CRB3: variants seen among roughly 807,000 people sequenced by gnomAD.
CRB3 encodes protein crumbs homolog 3.
Under a neutral mutation model 10.4 loss-of-function variants are expected in CRB3, and 4 were observed. The observed-to-expected ratio is 0.39, with a 90% confidence interval of 0.19 to 0.88. CRB3 has a LOEUF of 0.88. Ranked by LOEUF, CRB3 falls within the 40% of genes least tolerant of loss-of-function variation. The pLI is 0.39. For missense variants in CRB3, 154 were observed against 160.2 expected, an observed-to-expected ratio of 0.96 and a Z score of 0.21; for synonymous variants, 74 against 73.4, an observed-to-expected ratio of 1.01 and a Z score of -0.04.
At chr19:6,465,900 T>G (rs969116006) in intron 3 of CRB3, among the ~76,000 whole-genome samples, 1 of 151,860 alleles carries the variant, frequency 6.6e-6, no homozygotes, top group Admixed American at 6.6e-5. Context: ...TTGGTAGATG[T>G]GATGAAAGCA....
Position 6,467,126 on chromosome 19 carries a change from G to A in CRB3, c.*454G>A. ...CCACCCAGTGCTTAATAGCAGGGAA[G>A]AAGGTACTTCAAAGACTCTGCCCCT... On this transcript the variant is annotated 3_prime_UTR_variant, in exon 4 of 4. Coordinates refer to ENST00000600229, the MANE Select transcript of CRB3 (RefSeq NM_139161.5). 1 of 1,015,622 alleles carries A rather than the reference G, an allele frequency of 9.8e-7. No individual in the cohort carries two copies. The highest frequency in any genetic ancestry group is 2.4e-5 in the East Asian group (1 of 41,408). 62.9% of individuals were successfully genotyped at this position (1,015,622 alleles called of 1,614,324 possible).
At position 6,464,705 on chromosome 19, in the gene CRB3, G is replaced by A. The variant is rs2145158814; in HGVS notation, c.4G>A (p.Ala2Thr). Residue 2 changes from alanine (A) to threonine (T), a missense_variant, in exon 2 of 4, where the codon GCG (alanine) becomes ACG (threonine). Physicochemically the swap from Ala to Thr is moderately conservative, Grantham distance 58. Transcript: ENST00000600229. This position sits in a 1 kb window ranked among gnomAD's most constrained non-coding sequence, Gnocchi z 5.3. The part of the protein sequence containing the change: M[A>T]NPGLGLLLAL... ...CTGCCAACCCGCCACCCAGCCCATG[G>A]CGAACCCCGGGCTGGGGCTGCTTCT... The A allele has an allele frequency of 8.1e-7, 1 of 1,239,532 alleles. No homozygotes were observed. Among genetic ancestry groups the A allele is most frequent in the East Asian group, 3.1e-5 (1 of 32,402 alleles). 76.8% of individuals were successfully genotyped at this position (1,239,532 alleles called of 1,614,324 possible).
At position 6,464,337 on chromosome 19, in the gene CRB3, G is replaced by A. The variant is rs1458376141; in HGVS notation, c.-108G>A. On this transcript the variant is annotated 5_prime_UTR_variant, in exon 1 of 4. Transcript: ENST00000600229. This position sits in a 1 kb window ranked among gnomAD's most constrained non-coding sequence, Gnocchi z 5.3. ...GACCAGGAACCTGAGCTAGGTCAAA[G>A]ACGCCCGGGCCAGGTAGGAAGGCAG... 1.0e-5 allele frequency: 2 copies of A among 199,410 alleles called. No homozygotes were observed. The highest frequency in any genetic ancestry group is 2.0e-5 in the Non-Finnish European group (2 of 99,360). The allele number at this position is 199,410 out of a possible 1,614,324, so 12.4% of individuals were successfully genotyped here.
chr19:6,465,141 G>A (rs1027523533), intron 2 of CRB3: 3 of 282,988 alleles, frequency 1.1e-5, no homozygotes, highest in South Asian at 1.2e-4. Flanking sequence ...GAGGCCTGCC[G>A]AGCCGGGTCG....
Position 6,466,401 on chromosome 19 carries a change from C to T in CRB3, c.157-65C>T, listed in dbSNP as rs1282345665. 15 of 1,328,100 alleles carry T rather than the reference C, an allele frequency of 1.1e-5. No homozygotes were observed. In the South Asian group the frequency reaches 1.8e-4, roughly 16 times the overall value. The allele number at this position is 1,328,100 out of a possible 1,614,324, so 82.3% of individuals were successfully genotyped here. A position where few individuals can be genotyped will look rare whatever the true frequency, so the allele number is the denominator to read the frequency against. ...GGGGTAGGGGGTGATGAGGGGGATGCCATTCAGGTGGAGGTGGACAGGCTA... is the reference window on the plus strand; with the variant it reads ...GGGGTAGGGGGTGATGAGGGGGATGTCATTCAGGTGGAGGTGGACAGGCTA... On this transcript the variant is annotated intron_variant, in intron 3 of 3. Coordinates refer to ENST00000600229, the MANE Select transcript of CRB3 (RefSeq NM_139161.5). The surrounding 1 kb of genome is among the most constrained non-coding windows in gnomAD (Gnocchi z 4.9).
At position 6,464,566 on chromosome 19, in the gene CRB3, C is replaced by T. The variant is rs2092785543; in HGVS notation, c.-94-42C>T. 3 of 498,120 alleles carry T rather than the reference C, an allele frequency of 6.0e-6. No homozygotes were observed. The highest frequency in any genetic ancestry group is 4.4e-5 in the Admixed American group (1 of 22,784). The allele number at this position is 498,120 out of a possible 1,614,324, so 30.9% of individuals were successfully genotyped here. A position where few individuals can be genotyped will look rare whatever the true frequency, so the allele number is the denominator to read the frequency against. ...CTGTGGGCCTGCGCCGGGGTCCCCA[C>T]CCCGATCCCAACGCCTGGGCCTCTC... On this transcript the variant is annotated intron_variant, in intron 1 of 3. Coordinates refer to ENST00000600229, the MANE Select transcript of CRB3 (RefSeq NM_139161.5). The surrounding 1 kb of genome is among the most constrained non-coding windows in gnomAD (Gnocchi z 5.3).
chr19:6,465,373 G>A (rs1448006605), intron 2 of CRB3, among the ~76,000 whole-genome samples, 172 bp from the exon 3 acceptor site: 2 of 152,108 alleles, frequency 1.3e-5, no homozygotes, highest in African/African-American at 4.8e-5. Context: ...AAACACCCAA[G>A]GGAGAGGTCT....
rs2092785789 is a variant in CRB3 at position 6,464,619 on chromosome 19, C to G, written c.-83C>G. On this transcript the variant is annotated 5_prime_UTR_variant, in exon 2 of 4. Transcript: ENST00000600229. This position sits in a 1 kb window ranked among gnomAD's most constrained non-coding sequence, Gnocchi z 5.3. The stretch of plus-strand genomic sequence containing the variant: ...TCTCCTGTCCCCAGGTGCCCCGTCG[C>G]AGGTGCCCCTGGCCGGAGATGCGGT... 1.2e-6 allele frequency: 1 copy of G among 847,492 alleles called. No homozygotes were observed. Among genetic ancestry groups the G allele is most frequent in the Non-Finnish European group, 1.6e-6 (1 of 637,056 alleles). The allele number at this position is 847,492 out of a possible 1,614,324, so 52.5% of individuals were successfully genotyped here.
At position 6,464,653 on chromosome 19, in the gene CRB3, C is replaced by A. The variant is rs745892441; in HGVS notation, c.-49C>A. On this transcript the variant is annotated 5_prime_UTR_variant, in exon 2 of 4. Coordinates refer to ENST00000600229, the MANE Select transcript of CRB3 (RefSeq NM_139161.5). This position sits in a 1 kb window ranked among gnomAD's most constrained non-coding sequence, Gnocchi z 5.3. ...CTGGCCGGAGATGCGGTAGGAGGGG[C>A]GAGCGCGAGAAGCCCCTTCCTCGGC... 1.8e-6 allele frequency: 2 copies of A among 1,129,988 alleles called. No individual in the cohort carries two copies. The highest frequency in any genetic ancestry group is 2.2e-6 in the Non-Finnish European group (2 of 895,026). 70.0% of individuals were successfully genotyped at this position (1,129,988 alleles called of 1,614,324 possible).
chr19:6,465,547 C>G lies in CRB3; in HGVS notation c.85C>G (p.Gln29Glu), dbSNP rs113989012. Residue 29 changes from glutamine to glutamate, a missense_variant and splice_region_variant, in exon 3 of 4, where the codon CAG becomes GAG. Transcript: ENST00000600229. ...TTCTCTGCCTTCACCCTCCACAGTA[C>G]AGACCACTTCTGCAAATGAGAATAG... Reference protein sequence around the residue: ...ARWGRAWGQIQTTSANENSTV... With the variant: ...ARWGRAWGQIETTSANENSTV... 187 of 1,613,680 alleles carry G rather than the reference C, an allele frequency of 1.2e-4. No homozygotes were observed. The African/African-American group carries it at 2.2e-3, about 19-fold the overall frequency.
At position 6,464,657 on chromosome 19, in the gene CRB3, C is replaced by G; in HGVS notation, c.-45C>G. The G allele has an allele frequency of 8.7e-7, 1 of 1,154,384 alleles. No homozygotes were observed. The allele number at this position is 1,154,384 out of a possible 1,614,324, so 71.5% of individuals were successfully genotyped here. ...CCGGAGATGCGGTAGGAGGGGCGAG[C>G]GCGAGAAGCCCCTTCCTCGGCGCTG... On this transcript the variant is annotated 5_prime_UTR_variant, in exon 2 of 4. Coordinates refer to ENST00000600229, the MANE Select transcript of CRB3 (RefSeq NM_139161.5). This position sits in a 1 kb window ranked among gnomAD's most constrained non-coding sequence, Gnocchi z 5.3.
Position 6,464,413 on chromosome 19 carries a change from C to T in CRB3, c.-95+63C>T. On this transcript the variant is annotated intron_variant, in intron 1 of 3. Transcript: ENST00000600229. This position sits in a 1 kb window ranked among gnomAD's most constrained non-coding sequence, Gnocchi z 5.3. ...GCCCGTCCACCCTGCCCGTCCCGTC[C>T]CGTCCCGTCCCGTCCCCTTCCTTTC... 1 of 318,890 alleles carries T rather than the reference C, an allele frequency of 3.1e-6. No homozygotes were observed. Among genetic ancestry groups the T allele is most frequent in the African/African-American group, 2.1e-5 (1 of 46,844 alleles). 19.8% of individuals were successfully genotyped at this position (318,890 alleles called of 1,614,324 possible).
chr19:6,465,256 C>T (rs976993730), intron 2 of CRB3: 4 of 433,234 alleles, frequency 9.2e-6, no homozygotes, highest in Middle Eastern at 6.0e-4. Context: ...GCTAGGCCCG[C>T]CCAGATCCTT....
At position 6,466,365 on chromosome 19, in the gene CRB3, G is replaced by A; in HGVS notation, c.157-101G>A. On this transcript the variant is annotated intron_variant, in intron 3 of 3. Transcript: ENST00000600229. The surrounding 1 kb of genome is among the most constrained non-coding windows in gnomAD (Gnocchi z 4.9). ...AAGTGGCAGATGTGTGTATGTGTGT[G>A]TGTGTGTTGTGGGGTAGGGGGTGAT... 8.7e-6 allele frequency: 8 copies of A among 920,454 alleles called. No individual in the cohort carries two copies. Among genetic ancestry groups the A allele is most frequent in the Non-Finnish European group, 1.4e-5 (8 of 572,256 alleles). The allele number at this position is 920,454 out of a possible 1,614,324, so 57.0% of individuals were successfully genotyped here.
In CRB3 at chr19:6,466,667, A is replaced by G; in HGVS notation, c.358A>G (p.Ile120Val). 6.3e-7 allele frequency: 1 copy of G among 1,599,766 alleles called. No individual in the cohort carries two copies. The highest frequency in any genetic ancestry group is 8.5e-7 in the Non-Finnish European group (1 of 1,179,544). Reference protein sequence around the residue: ...NLKLPPEERLI With the variant: ...NLKLPPEERLV Reference sequence around the variant, plus strand: ...CAAGTTGCCGCCGGAAGAGCGGCTCATCTGAACGCTGGGGCCTGCTGCAGC... The same window carrying G: ...CAAGTTGCCGCCGGAAGAGCGGCTCGTCTGAACGCTGGGGCCTGCTGCAGC... The change falls in exon 4 of 4, where the codon ATC becomes GTC. Residue 120 changes from isoleucine to valine, a missense_variant. Transcript: ENST00000600229. This position sits in a 1 kb window ranked among gnomAD's most constrained non-coding sequence, Gnocchi z 4.9.
At chr19:6,465,692 G>A in intron 3 of CRB3, 74 bp downstream of exon 3, 2 of 1,264,972 alleles carry the variant, frequency 1.6e-6, no homozygotes, top group East Asian at 2.3e-5. Flanking sequence ...CATGTAGAGA[G>A]GACTAGACAC....
Position 6,466,576 on chromosome 19 carries a change from G to C in CRB3, c.267G>C (p.Thr89=), listed in dbSNP as rs759725683. The part of the protein sequence containing the change: ...LVRKLREKRQ[T]EGTYRPSSEE... ...GGAAGCTTCGGGAGAAGCGGCAGAC[G>C]GAGGGCACCTACCGGCCCAGTAGCG... is the stretch of plus-strand genomic sequence containing the variant. Residue 89 remains threonine, a synonymous_variant, in exon 4 of 4, where the codon ACG becomes ACC. Coordinates refer to ENST00000600229, the MANE Select transcript of CRB3 (RefSeq NM_139161.5). The surrounding 1 kb of genome is among the most constrained non-coding windows in gnomAD (Gnocchi z 4.9). 1 of 1,610,556 alleles carries C rather than the reference G, an allele frequency of 6.2e-7. No individual in the cohort carries two copies. Among genetic ancestry groups the C allele is most frequent in the Admixed American group, 1.7e-5 (1 of 60,020 alleles).
upstream of CRB3, chr19:6,463,894 A>C (rs1195597120): frequency 1.3e-5 from 2 of 152,242 alleles, no homozygotes; most frequent in African/African-American, 4.8e-5. Context: ...TTGGGATTAC[A>C]GGCGTGAGCC....
rs1035701574 is a variant in CRB3, at chr19:6,464,858, C to G, written c.82+75C>G. ...CTCTGCTGGGGACGTGGCTTAGAAGCGCTGGGTATCTGGGGCGCAGAGAGG... is the reference window on the plus strand; with the variant it reads ...CTCTGCTGGGGACGTGGCTTAGAAGGGCTGGGTATCTGGGGCGCAGAGAGG... On this transcript the variant is annotated intron_variant, in intron 2 of 3. Coordinates refer to ENST00000600229, the MANE Select transcript of CRB3 (RefSeq NM_139161.5). The surrounding 1 kb of genome is among the most constrained non-coding windows in gnomAD (Gnocchi z 5.3). 13 of 875,348 alleles carry G rather than the reference C, an allele frequency of 1.5e-5. No homozygotes were observed. The African/African-American group carries it at 2.1e-4, about 14-fold the overall frequency. The allele number at this position is 875,348 out of a possible 1,614,324, so 54.2% of individuals were successfully genotyped here.
Sources: allele counts gnomAD v4.1 joint callset (sites outside exome capture counted in the v4.1 genomes callset), GRCh38; gene constraint gnomAD v4.1.1; non-coding constraint Gnocchi (gnomAD v3.1); transcripts MANE v1.5; gene names NCBI Gene and HGNC (gene_info 2026-07-23, HGNC 2026-07-21).